DOCK9: variants seen among roughly 807,000 people sequenced by gnomAD.
DOCK9 encodes dedicator of cytokinesis protein 9.
In DOCK9, 89 loss-of-function variants were observed where a neutral mutation model predicts 263.3. The ratio of observed to expected loss-of-function variants is 0.34; its 90% confidence interval spans 0.28 to 0.40. DOCK9 has a LOEUF of 0.40. Ranked by LOEUF, DOCK9 falls within the 10% of genes least tolerant of loss-of-function variation. The probability of loss-of-function intolerance (pLI) is 1.00; values close to 1 mark genes in which losing one functional copy is unlikely to be tolerated. For missense variants in DOCK9, 2,140 were observed against 2,603.4 expected (o/e 0.82, Z 3.87); for synonymous variants, 976 against 973.1 (o/e 1.00, Z -0.06).
At chr13:99,051,325 C>T (rs2085668579) in intron 1 of DOCK9, among the ~76,000 whole-genome samples, 1 of 152,070 alleles carries the variant, frequency 6.6e-6, no homozygotes, top group Non-Finnish European at 1.5e-5. Flanking sequence ...CTTGAGCCCA[C>T]AATGCAGGCA....
intron 2 of DOCK9, among the ~76,000 whole-genome samples, chr13:98,948,717 C>T (rs971829311): frequency 6.6e-6 from 1 of 152,206 alleles, no homozygotes; most frequent in Non-Finnish European, 1.5e-5. Flanking sequence ...TTGCTCCCCA[C>T]CTCCATCCCT....
intron 15 of DOCK9, among the ~76,000 whole-genome samples, chr13:98,895,146 GAA>G (rs33985955): frequency 7.7e-6 from 1 of 130,566 alleles, no homozygotes; most frequent in Non-Finnish European, 1.6e-5. Flanking sequence ...CTCCATCTCG[GAA>G]AAAAAAAAAA....
chr13:98,926,541 C>T (rs2052997312), intron 3 of DOCK9, among the ~76,000 whole-genome samples: 4 of 152,242 alleles, frequency 2.6e-5, no homozygotes, highest in Admixed American at 2.6e-4. Context: ...CCTACACAGA[C>T]TGCATTCAAA....
Position 98,879,988 on chromosome 13 carries a change from G to T in DOCK9, c.2872-19C>A. The T allele has an allele frequency of 6.3e-7, 1 of 1,582,524 alleles. No individual in the cohort carries two copies. The highest frequency in any genetic ancestry group is 8.6e-7 in the Non-Finnish European group (1 of 1,167,270). ...ATGAGTACTAAAAGAAAAAAGAACAGGACCCAGTAAGAACACAACAAACTG... is the reference window on the plus strand; with the variant it reads ...ATGAGTACTAAAAGAAAAAAGAACATGACCCAGTAAGAACACAACAAACTG... On this transcript the variant is annotated intron_variant, in intron 26 of 52. Transcript: ENST00000682017.
At chr13:98,807,639 A>G in intron 48 of DOCK9, 22 bp downstream of exon 48, 1 of 1,578,870 alleles carries the variant, frequency 6.3e-7, no homozygotes, top group Non-Finnish European at 8.7e-7. Context: ...TTGCTATGAA[A>G]CTTATCCAAA....
intron 1 of DOCK9, among the ~76,000 whole-genome samples, chr13:98,976,874 T>C (rs1156835991): frequency 2.0e-5 from 3 of 152,130 alleles, no homozygotes; most frequent in African/African-American, 7.2e-5. Context: ...AGACATTAAT[T>C]GAAAATTAAG....
At chr13:99,026,633 A>G (rs1161563311) in intron 1 of DOCK9, among the ~76,000 whole-genome samples, 1 of 152,196 alleles carries the variant, frequency 6.6e-6, no homozygotes, top group Non-Finnish European at 1.5e-5. Flanking sequence ...CAATTCATTC[A>G]AAGAAATTTA....
chr13:98,867,006 T>C (rs760333499), intron 30 of DOCK9: 3 of 399,934 alleles, frequency 7.5e-6, no homozygotes, highest in African/African-American at 2.1e-5. Context: ...ATCACTTGCA[T>C]TCTTTATTTT....
chr13:98,855,450 T>A (rs994094654), intron 34 of DOCK9, among the ~76,000 whole-genome samples: 3 of 152,158 alleles, frequency 2.0e-5, no homozygotes, highest in Non-Finnish European at 4.4e-5. Context: ...CTTGTGCCTG[T>A]GGTCCCAGCT....
chr13:99,082,066 A>G (rs955780677), intron 1 of DOCK9, among the ~76,000 whole-genome samples: 1 of 152,116 alleles, frequency 6.6e-6, no homozygotes, highest in African/African-American at 2.4e-5. Context: ...AAAAAATACA[A>G]AAATTAGCTA....
rs1304825971 is a variant in DOCK9, at chr13:98,805,092, T to C, written c.5632A>G (p.Ile1878Val). The C allele has an allele frequency of 1.2e-6, 2 of 1,612,008 alleles. No individual in the cohort carries two copies. The highest frequency in any genetic ancestry group is 4.5e-5 in the East Asian group (2 of 44,846). Residue 1878 changes from isoleucine (I) to valine (V), a missense_variant, in exon 49 of 53, where the codon ATC becomes GTC. By Grantham distance (29) the Ile-to-Val change is conservative. This residue lies in a region of DOCK9 where 619 missense variants were observed against 861.8 expected (regional missense o/e 0.72). Transcript: ENST00000682017. Reference sequence around the variant, plus strand: ...GGCATCTCAAACATGAAGCGGCGGATGTTGTGGGATCTCTCAAACTCTGTT... The same window carrying C: ...GGCATCTCAAACATGAAGCGGCGGACGTTGTGGGATCTCTCAAACTCTGTT... ...RKTEFERSHNIRRFMFEMPFT... is the reference protein window; with the variant it reads ...RKTEFERSHNVRRFMFEMPFT...
chr13:99,032,029 T>C (rs981491312), intron 1 of DOCK9, among the ~76,000 whole-genome samples: 2 of 152,174 alleles, frequency 1.3e-5, no homozygotes, highest in Admixed American at 1.3e-4. Context: ...CAAAGAAACA[T>C]CCTGATGATT....
At position 98,961,828 on chromosome 13, in the gene DOCK9, G is replaced by A. The variant is rs374220985; in HGVS notation, c.127-6277C>T. Among the ~76,000 whole-genome samples the A allele has an allele frequency of 2.6e-5, 4 of 152,258 alleles. No individual in the cohort carries two copies. The South Asian group carries it at 8.3e-4, about 32-fold the overall frequency. On this transcript the variant is annotated intron_variant, in intron 1 of 52. Transcript: ENST00000682017. Reference sequence around the variant, plus strand: ...TTGGCTTAGGAAGATTTCCAGGAACGTGCCCACTGTGTCCACCCAATGTCA... The same window carrying A: ...TTGGCTTAGGAAGATTTCCAGGAACATGCCCACTGTGTCCACCCAATGTCA...
Position 98,901,863 on chromosome 13 carries a change from A to C in DOCK9, c.1418T>G (p.Phe473Cys). 1 of 1,612,914 alleles carries C rather than the reference A, an allele frequency of 6.2e-7. No individual in the cohort carries two copies. Among genetic ancestry groups the C allele is most frequent in the Non-Finnish European group, 8.5e-7 (1 of 1,179,428 alleles). ...FSVTCPHPDI[F>C]LVARIEKVLQ... is the part of the protein sequence containing the mutation. The stretch of plus-strand genomic sequence containing the variant: ...GACTTTTTCAATTCTGGCCACAAGA[A>C]ATATATCTGGATGAGGACAAGTGAC... The change falls in exon 13 of 53, where the codon TTT becomes TGT. Residue 473 changes from phenylalanine (F) to cysteine (C), a missense_variant. Phe to Cys is a radical substitution (Grantham distance 205, BLOSUM62 -2). Around this residue, in one of 2 missense-constraint regions of DOCK9, gnomAD observed 1,521 missense variants for 1,741.7 expected, o/e 0.87. Transcript: ENST00000682017.
intron 45 of DOCK9, among the ~76,000 whole-genome samples, chr13:98,818,928 C>A (rs1263938547): frequency 6.6e-6 from 1 of 152,084 alleles, no homozygotes; most frequent in Non-Finnish European, 1.5e-5. Flanking sequence ...CATTGAGATA[C>A]CATTTGCTCT....
chr13:99,011,838 C>A (rs1884543446), intron 1 of DOCK9, among the ~76,000 whole-genome samples: 1 of 152,162 alleles, frequency 6.6e-6, no homozygotes, highest in Admixed American at 6.5e-5. Flanking sequence ...ATTTGTTTGT[C>A]TGAGACATGG....
chr13:98,910,286 T>C (rs1018210241), intron 9 of DOCK9, among the ~76,000 whole-genome samples: 1 of 152,214 alleles, frequency 6.6e-6, no homozygotes, highest in African/African-American at 2.4e-5. Flanking sequence ...ACGGTTTGTG[T>C]ATCAAACTAA....
chr13:98,941,385 A>AATGTACTG (rs1321158839), intron 2 of DOCK9, among the ~76,000 whole-genome samples: 3 of 152,170 alleles, frequency 2.0e-5, no homozygotes, highest in African/African-American at 7.2e-5. Flanking sequence ...TTCACCAAAT[A>AATGTACTG]ATGTACTGCT....
At chr13:98,866,944 T>C (rs1302575965) in intron 30 of DOCK9, 2 of 246,998 alleles carry the variant, frequency 8.1e-6, no homozygotes, top group South Asian at 4.5e-5. Context: ...TAAAAATTGA[T>C]CAAATTATAT....
Sources: allele counts gnomAD v4.1 joint callset (sites outside exome capture counted in the v4.1 genomes callset), GRCh38; gene constraint gnomAD v4.1.1; regional missense constraint gnomAD v4.1.1; transcripts MANE v1.5; gene names NCBI Gene and HGNC (gene_info 2026-07-23, HGNC 2026-07-21).